Variants in NTM observed in about 807,000 individuals in gnomAD.
NTM encodes neurotrimin, also known as IgLON family member 2.
Under a neutral mutation model 42.1 loss-of-function variants are expected in NTM, and 13 were observed. That is an observed-to-expected ratio of 0.31 (90% CI 0.20 to 0.49). The LOEUF (loss-of-function observed/expected upper bound fraction) is 0.49. Ranked by LOEUF, NTM falls within the 20% of genes least tolerant of loss-of-function variation. The pLI is 0.99. For synonymous variants in NTM, 187 were observed against 179.2 expected, an observed-to-expected ratio of 1.04 and a Z score of -0.35; for missense variants, 373 against 452.8, an observed-to-expected ratio of 0.82 and a Z score of 1.60.
intron 4 of NTM, among the ~76,000 whole-genome samples, chr11:132,276,559 G>A (rs2093733882): frequency 6.6e-6 from 1 of 152,202 alleles, no homozygotes; most frequent in African/African-American, 2.4e-5. Flanking sequence ...TGTGGTTCAT[G>A]CTGACACCTG....
rs532249601 is a variant in NTM, at chr11:132,252,676, C to T, written c.526+40529C>T. Among the ~76,000 whole-genome samples, 157 of 152,248 alleles carry T rather than the reference C, an allele frequency of 1.0e-3. 1 individual carries two copies. Among genetic ancestry groups the T allele is most frequent in the South Asian group, 4.6e-3 (22 of 4,820 alleles). On this transcript the variant is annotated intron_variant, in intron 4 of 8. Coordinates refer to ENST00000683400, the MANE Select transcript of NTM (RefSeq NM_001352005.2). The stretch of plus-strand genomic sequence containing the variant: ...TAATTATAGATGGGAAACACAGGCT[C>T]GGATACATGAATACCTGGGTCTTTT...
chr11:131,449,496 C>A (rs914674440), intron 1 of NTM, among the ~76,000 whole-genome samples: 11 of 152,204 alleles, frequency 7.2e-5, no homozygotes, highest in African/African-American at 2.7e-4. Flanking sequence ...GTGGGCTAGG[C>A]CTGAGTCCTG....
intron 3 of NTM, among the ~76,000 whole-genome samples, chr11:132,171,311 A>G (rs1411675891): frequency 6.6e-6 from 1 of 152,184 alleles, no homozygotes; most frequent in Non-Finnish European, 1.5e-5. Context: ...AAAGTACCAT[A>G]GACTGGGTTG....
At chr11:132,139,639 C>T (rs562337731) in intron 2 of NTM, among the ~76,000 whole-genome samples, 128 of 152,282 alleles carry the variant, frequency 8.4e-4, no homozygotes, top group African/African-American at 3.0e-3. Context: ...GGGGGACTGC[C>T]TCCTTGCACG....
intron 3 of NTM, among the ~76,000 whole-genome samples, chr11:132,162,148 A>G (rs141970013): frequency 5.2e-4 from 79 of 151,418 alleles, no homozygotes; most frequent in African/African-American, 1.9e-3. Context: ...TCCCTTCTGT[A>G]ATGTGCTTGG....
At chr11:132,013,745 T>G (rs1033736823) in intron 2 of NTM, among the ~76,000 whole-genome samples, 3 of 152,160 alleles carry the variant, frequency 2.0e-5, no homozygotes, top group African/African-American at 7.2e-5. Flanking sequence ...AATTTTTGTG[T>G]TTTTTGTTGA....
chr11:131,632,584 A>G (rs888717025), intron 1 of NTM, among the ~76,000 whole-genome samples: 2 of 126,614 alleles, frequency 1.6e-5, no homozygotes, highest in Non-Finnish European at 3.5e-5. Context: ...TTTCTTTTTT[A>G]TTTCTTATTT....
At chr11:131,714,916 C>T (rs1266512075) in intron 1 of NTM, among the ~76,000 whole-genome samples, 1 of 152,196 alleles carries the variant, frequency 6.6e-6, no homozygotes, top group Non-Finnish European at 1.5e-5. Flanking sequence ...CTGGCAAATG[C>T]TCACTGACAT....
chr11:131,774,463 T>A (rs1194204885), intron 1 of NTM, among the ~76,000 whole-genome samples: 2 of 152,194 alleles, frequency 1.3e-5, no homozygotes, highest in Non-Finnish European at 2.9e-5. Context: ...GTACACATTT[T>A]TGTATTGTTT....
At chr11:131,472,246 C>A (rs1591767118) in intron 1 of NTM, among the ~76,000 whole-genome samples, 1 of 152,150 alleles carries the variant, frequency 6.6e-6, no homozygotes, top group African/African-American at 2.4e-5. Flanking sequence ...GGGTATCCCC[C>A]CTGCATGGTG....
chr11:132,194,700 T>C (rs1049636005), intron 3 of NTM, among the ~76,000 whole-genome samples: 1 of 152,128 alleles, frequency 6.6e-6, no homozygotes, highest in African/African-American at 2.4e-5. Context: ...GATGATGTTA[T>C]TCTACACCTA....
At chr11:131,401,821 T>C (rs1366941988) in intron 1 of NTM, among the ~76,000 whole-genome samples, 3 of 52,776 alleles carry the variant, frequency 5.7e-5, no homozygotes, top group African/African-American at 1.6e-4. Flanking sequence ...TATATATATA[T>C]ATATATATAT....
chr11:131,981,999 G>A (rs190879184), intron 2 of NTM, among the ~76,000 whole-genome samples: 185 of 151,932 alleles, frequency 1.2e-3, no homozygotes, highest in Non-Finnish European at 2.4e-3. Context: ...GTGACAGAGC[G>A]GGACTCCATC....
chr11:131,711,319 AGTAC>A (rs2077101443), intron 1 of NTM, among the ~76,000 whole-genome samples: 1 of 152,222 alleles, frequency 6.6e-6, no homozygotes, highest in South Asian at 2.1e-4. Flanking sequence ...AAGTGGGCGA[AGTAC>A]ATGAACAGAC....
intron 3 of NTM, among the ~76,000 whole-genome samples, chr11:132,187,773 G>A (rs1445110289): frequency 6.6e-6 from 1 of 152,122 alleles, no homozygotes; most frequent in Non-Finnish European, 1.5e-5. Flanking sequence ...AGCGTGATAG[G>A]GTATGTGGCG....
intron 1 of NTM, among the ~76,000 whole-genome samples, chr11:131,557,491 C>A (rs373353021): frequency 1.3e-5 from 2 of 152,176 alleles, no homozygotes; most frequent in African/African-American, 4.8e-5. Context: ...CAAGATCTTT[C>A]AACATTAAGT....
intron 1 of NTM, among the ~76,000 whole-genome samples, chr11:131,561,852 A>T (rs2056277504): frequency 6.6e-6 from 1 of 151,964 alleles, no homozygotes; most frequent in Non-Finnish European, 1.5e-5. Flanking sequence ...GGCAAACAGG[A>T]CTCACCCTTT....
Position 131,884,273 on chromosome 11 carries a change from G to A in NTM, c.83-27291G>A, listed in dbSNP as rs535926657. Among the ~76,000 whole-genome samples, 3 of 152,262 alleles carry A rather than the reference G, an allele frequency of 2.0e-5. No individual in the cohort carries two copies. In the East Asian group the frequency reaches 5.8e-4, roughly 29 times the overall value. The stretch of plus-strand genomic sequence containing the variant: ...AAAAATACAAAATTAGCCGGACATG[G>A]TGGTGCATGCCTGTAATCCCAGCTA... On this transcript the variant is annotated intron_variant, in intron 1 of 8. Transcript: ENST00000683400.
rs548196096 is a variant in NTM at position 132,295,234 on chromosome 11, C to CATTGATATGATTAACA, written c.527-12443_527-12428dup. ...AAGGTCATCAAAGGGTGTTCTGAAT[C>CATTGATATGATTAACA]ATTGATATGATTAACAATTGATATG... is the stretch of plus-strand genomic sequence containing the variant. On this transcript the variant is annotated intron_variant, in intron 4 of 8. Coordinates refer to ENST00000683400, the MANE Select transcript of NTM (RefSeq NM_001352005.2). Among the ~76,000 whole-genome samples, 658 of 152,088 alleles carry CATTGATATGATTAACA rather than the reference C, an allele frequency of 4.3e-3. 7 individuals carry two copies. The highest frequency in any genetic ancestry group is 0.015 in the African/African-American group (633 of 41,460).
Sources: gnomAD v4.1 joint callset for allele counts (sites outside exome capture counted in the v4.1 genomes callset) on GRCh38, gnomAD v4.1.1 for gene constraint, MANE v1.5 for transcripts, NCBI Gene and HGNC (gene_info 2026-07-23, HGNC 2026-07-21) for gene names.